The following GALNT7 variants were observed in gnomAD, a reference collection of about 807,000 sequenced individuals.
The protein encoded by GALNT7 is N-acetylgalactosaminyltransferase 7.
A neutral mutation model predicts 82.1 loss-of-function variants in GALNT7; 60 were observed. That is an observed-to-expected ratio of 0.73 (90% CI 0.59 to 0.91). The LOEUF is 0.91. GALNT7 is among the 40% of genes least tolerant of loss of function. GALNT7 has a pLI of 0.00. For missense variants in GALNT7, 660 were observed against 804.2 expected, an observed-to-expected ratio of 0.82 and a Z score of 2.17; for synonymous variants, 243 against 275.1, an observed-to-expected ratio of 0.88 and a Z score of 1.15.
At chr4:173,258,652 A>G (rs1735132246) in intron 2 of GALNT7, among the ~76,000 whole-genome samples, 1 of 152,252 alleles carries the variant, frequency 6.6e-6, no homozygotes, top group African/African-American at 2.4e-5. Flanking sequence ...CTGAGATAGT[A>G]TATTTTCAAT....
chr4:173,215,367 ATT>A, intron 1 of GALNT7, among the ~76,000 whole-genome samples: 1 of 151,820 alleles, frequency 6.6e-6, no homozygotes, highest in South Asian at 2.1e-4. Flanking sequence ...AGTAGCAGTG[ATT>A]ACAGGCGTGT....
At chr4:173,261,674 C>T (rs969895726) in intron 2 of GALNT7, among the ~76,000 whole-genome samples, 1 of 152,012 alleles carries the variant, frequency 6.6e-6, no homozygotes, top group Non-Finnish European at 1.5e-5. Context: ...AAAAAATTAG[C>T]CAGGTGTGGT....
intron 1 of GALNT7, among the ~76,000 whole-genome samples, chr4:173,203,235 A>G (rs1370561632): frequency 3.9e-5 from 6 of 152,078 alleles, no homozygotes; most frequent in Non-Finnish European, 7.4e-5. Context: ...CTGGGACTAC[A>G]GGCGCCCGCC....
intron 2 of GALNT7, among the ~76,000 whole-genome samples, chr4:173,265,768 A>G (rs1174128145): frequency 1.3e-5 from 2 of 148,210 alleles, no homozygotes; most frequent in Non-Finnish European, 3.0e-5. Context: ...CAGAGTTTTT[A>G]CCTTTTTCAT....
intron 1 of GALNT7, among the ~76,000 whole-genome samples, chr4:173,169,873 G>A (rs906627030): frequency 6.6e-5 from 10 of 151,998 alleles, no homozygotes; most frequent in Admixed American, 6.5e-4. Flanking sequence ...GCCCCGCGCC[G>A]GCTGCCGGCT....
chr4:173,304,688 G>C (rs970148477), intron 8 of GALNT7, among the ~76,000 whole-genome samples: 6 of 151,814 alleles, frequency 4.0e-5, no homozygotes, highest in African/African-American at 1.2e-4. Flanking sequence ...ACCAAAATCA[G>C]CCCACTCCCC....
At chr4:173,177,772 G>C (rs1732096992) in intron 1 of GALNT7, among the ~76,000 whole-genome samples, 2 of 152,128 alleles carry the variant, frequency 1.3e-5, no homozygotes, top group Admixed American at 1.3e-4. Flanking sequence ...GGTCTAGAGA[G>C]GGACTACAGC....
At chr4:173,277,874 C>T (rs1031325137) in intron 2 of GALNT7, among the ~76,000 whole-genome samples, 2 of 152,156 alleles carry the variant, frequency 1.3e-5, no homozygotes, top group Admixed American at 1.3e-4. Flanking sequence ...TTATAACTGA[C>T]ATCTTAAGAG....
At chr4:173,321,076 G>A (rs1737796755) in intron 11 of GALNT7, among the ~76,000 whole-genome samples, 1 of 152,252 alleles carries the variant, frequency 6.6e-6, no homozygotes. Flanking sequence ...GATAGTCTGA[G>A]GACCAGACTT....
chr4:173,245,203 G>T (rs1310770358), intron 1 of GALNT7, among the ~76,000 whole-genome samples: 2 of 75,224 alleles, frequency 2.7e-5, no homozygotes, highest in Non-Finnish European at 4.9e-5. Flanking sequence ...ATTAGACAAA[G>T]AACCATTAAG....
At position 173,199,352 on chromosome 4, in the gene GALNT7, C is replaced by G. The variant is rs144158939; in HGVS notation, c.126+30391C>G. Reference sequence around the variant, plus strand: ...ATAACCTTGGGCAAGCTACTGACATCTGCATGCGAACACTGGGGACATTCC... The same window carrying G: ...ATAACCTTGGGCAAGCTACTGACATGTGCATGCGAACACTGGGGACATTCC... On this transcript the variant is annotated intron_variant, in intron 1 of 11. Transcript: ENST00000265000. Among the ~76,000 whole-genome samples the G allele has an allele frequency of 5.2e-3, 795 of 152,298 alleles. 9 individuals are homozygous for G. The highest frequency in any genetic ancestry group is 0.018 in the African/African-American group (765 of 41,560).
chr4:173,172,801 C>T (rs1233741372), intron 1 of GALNT7, among the ~76,000 whole-genome samples: 19 of 152,244 alleles, frequency 1.2e-4, no homozygotes, highest in Non-Finnish European at 2.9e-5. Flanking sequence ...ATTGTTGGAA[C>T]GTGGAGAATG....
intron 6 of GALNT7, 153 bp downstream of exon 6, chr4:173,298,450 C>G: frequency 3.5e-6 from 2 of 578,470 alleles, no homozygotes; most frequent in South Asian, 2.4e-5. Flanking sequence ...AGCTTTCAAT[C>G]TGCTCCATTT....
At chr4:173,317,005 A>C (rs2126873798) in intron 9 of GALNT7, 1 of 152,456 alleles carries the variant, frequency 6.6e-6, no homozygotes, top group African/African-American at 2.4e-5. Flanking sequence ...GACTGAATGC[A>C]AGAATAAAAC....
At position 173,170,734 on chromosome 4, in the gene GALNT7, C is replaced by A. The variant is rs545876284; in HGVS notation, c.126+1773C>A. Among the ~76,000 whole-genome samples, 3 of 152,250 alleles carry A rather than the reference C, an allele frequency of 2.0e-5. No homozygotes were observed. In the South Asian group the frequency reaches 6.2e-4, roughly 32 times the overall value. ...TCATCAAATGGCTTTTTACATGTAGCTAGAAATGTTTAACCCCCTATTTTC... is the reference window on the plus strand; with the variant it reads ...TCATCAAATGGCTTTTTACATGTAGATAGAAATGTTTAACCCCCTATTTTC... On this transcript the variant is annotated intron_variant, in intron 1 of 11. Coordinates refer to ENST00000265000, the MANE Select transcript of GALNT7 (RefSeq NM_017423.3).
chr4:173,187,218 T>C (rs1207445407), intron 1 of GALNT7, among the ~76,000 whole-genome samples: 1 of 152,196 alleles, frequency 6.6e-6, no homozygotes, highest in African/African-American at 2.4e-5. Context: ...TAAATATATG[T>C]ACTATACATA....
intron 1 of GALNT7, among the ~76,000 whole-genome samples, chr4:173,178,007 C>CTGTGTGTGTGTGTG (rs70944437): frequency 7.3e-6 from 1 of 137,726 alleles, no homozygotes; most frequent in African/African-American, 2.8e-5. Flanking sequence ...ATCCGCAAGT[C>CTGTGTGTGTGTGTG]TGTGTGTGTG....
intron 2 of GALNT7, among the ~76,000 whole-genome samples, chr4:173,272,030 G>A (rs1243028012): frequency 1.3e-5 from 2 of 152,052 alleles, no homozygotes; most frequent in African/African-American, 4.8e-5. Flanking sequence ...CAGTCTTTGT[G>A]CCCATCATTG....
chr4:173,309,163 A>AC (rs1360830943), intron 8 of GALNT7, among the ~76,000 whole-genome samples: 1 of 152,224 alleles, frequency 6.6e-6, no homozygotes, highest in Non-Finnish European at 1.5e-5. Flanking sequence ...CTTAAACTGA[A>AC]CGGGACTGTT....
Sources: allele counts gnomAD v4.1 joint callset (sites outside exome capture counted in the v4.1 genomes callset), GRCh38; gene constraint gnomAD v4.1.1; transcripts MANE v1.5; gene names NCBI Gene and HGNC (gene_info 2026-07-23, HGNC 2026-07-21).